The following CASZ1 variants were observed in gnomAD, a reference collection of about 807,000 sequenced individuals.
CASZ1 encodes castor zinc finger 1, also known as zinc finger protein castor homolog 1.
Under a neutral mutation model 135.2 loss-of-function variants are expected in CASZ1, and 28 were observed. The observed-to-expected ratio is 0.21, with a 90% CI of 0.15 to 0.28. The LOEUF is 0.28. Ranked by LOEUF, CASZ1 falls within the 10% of genes least tolerant of loss-of-function variation. The pLI is 1.00. For missense variants in CASZ1, 2,161 were observed against 2,453.3 expected (o/e 0.88, Z 2.52); for synonymous variants, 1,068 against 1,073.4 (o/e 0.99, Z 0.10).
intron 2 of CASZ1, among the ~76,000 whole-genome samples, chr1:10,737,932 G>T (rs1176185626): frequency 3.9e-5 from 6 of 152,236 alleles, no homozygotes; most frequent in African/African-American, 1.4e-4. Flanking sequence ...GGGGACACAA[G>T]CTCAGCCCTG....
rs563739027 is a variant in CASZ1 at position 10,789,298 on chromosome 1, C to T, written c.-234+7266G>A. Among the ~76,000 whole-genome samples the T allele has an allele frequency of 6.3e-4, 95 of 150,836 alleles. 6 individuals are homozygous for T. In the South Asian group the frequency reaches 0.018, roughly 29 times the overall value. On this transcript the variant is annotated intron_variant, in intron 1 of 20. Coordinates refer to ENST00000377022, the MANE Select transcript of CASZ1 (RefSeq NM_001079843.3). Reference sequence around the variant, plus strand: ...ACATCTTGGGGTCCCCCCACCCCAGCCTCCAGGCCTCCTGCTGAGCCTCCC... The same window carrying T: ...ACATCTTGGGGTCCCCCCACCCCAGTCTCCAGGCCTCCTGCTGAGCCTCCC...
At position 10,721,541 on chromosome 1, in the gene CASZ1, A is replaced by C. The variant is rs1208805458; in HGVS notation, c.-76-15997T>G. 6.6e-6 allele frequency among the ~76,000 whole-genome samples: 1 copy of C among 152,128 alleles called. No homozygotes were observed. The highest frequency in any genetic ancestry group is 1.5e-5 in the Non-Finnish European group (1 of 68,018). On this transcript the variant is annotated intron_variant, in intron 2 of 20. Transcript: ENST00000377022. The surrounding 1 kb of genome is among the most constrained non-coding windows in gnomAD (Gnocchi z 5.4). ...CATTCCCGGCTCGCAGGGAGCTTGA[A>C]ACCAGGACTGGTTCCATGCGGGCAT...
intron 2 of CASZ1, among the ~76,000 whole-genome samples, chr1:10,723,284 G>A (rs1211006556): frequency 1.3e-5 from 2 of 152,196 alleles, no homozygotes; most frequent in Non-Finnish European, 2.9e-5. Flanking sequence ...ACTGCACAGT[G>A]AGTGGGGGCA....
rs1421879126 is a variant in CASZ1 at position 10,727,512 on chromosome 1, T to G, written c.-76-21968A>C. On this transcript the variant is annotated intron_variant, in intron 2 of 20. Transcript: ENST00000377022. This position sits in a 1 kb window ranked among gnomAD's most constrained non-coding sequence, Gnocchi z 5.3. ...TGCCCCAGTGCCCACCCTCTGAAAG[T>G]TGGGAAGCTTTTACGGTTCTGTCCT... 1.3e-5 allele frequency among the ~76,000 whole-genome samples: 2 copies of G among 151,922 alleles called. No individual in the cohort carries two copies. Among genetic ancestry groups the G allele is most frequent in the East Asian group, 3.9e-4 (2 of 5,174 alleles).
chr1:10,641,181 G>A (rs1048154836), intron 20 of CASZ1, among the ~76,000 whole-genome samples: 1 of 152,268 alleles, frequency 6.6e-6, no homozygotes, highest in African/African-American at 2.4e-5. Flanking sequence ...GAGACTAAGG[G>A]CTGTGACGGT....
At chr1:10,781,276 T>C (rs710135) in intron 1 of CASZ1, among the ~76,000 whole-genome samples, 129,561 of 152,256 alleles carry the variant, frequency 0.85, 55,433 homozygotes, top group Non-Finnish European at 0.9. Context: ...TCGGAGGACA[T>C]GCAGGGAGAT....
chr1:10,660,269 C>G lies in CASZ1; in HGVS notation c.773G>C (p.Ser258Thr), dbSNP rs1642973632. Residue 258 changes from serine (S) to threonine (T), a missense_variant, in exon 6 of 21, where the codon AGC becomes ACC. Physicochemically the swap from Ser to Thr is moderately conservative, Grantham distance 58 (BLOSUM62 1). Coordinates refer to ENST00000377022, the MANE Select transcript of CASZ1 (RefSeq NM_001079843.3). ...GCCCACCCGCTCCTCGGTCTTGGTG[C>G]TGGGGGCCGGCCAGGAGAGCTGCTC... ...AGEQLSWPAP[S>T]TKTEERVGKE... The G allele has an allele frequency of 5.0e-6, 8 of 1,613,868 alleles. No homozygotes were observed. The highest frequency in any genetic ancestry group is 6.8e-6 in the Non-Finnish European group (8 of 1,179,946).
chr1:10,653,914 T>A lies in CASZ1; in HGVS notation c.2143A>T (p.Thr715Ser). Residue 715 changes from threonine (T) to serine (S), a missense_variant, in exon 11 of 21, where the codon ACG (threonine) becomes TCG (serine). By Grantham distance (58) the Thr-to-Ser change is moderately conservative (BLOSUM62 1). Around this residue, in one of 7 missense-constraint regions of CASZ1, gnomAD observed 248 missense variants for 410.8 expected, o/e 0.60. Coordinates refer to ENST00000377022, the MANE Select transcript of CASZ1 (RefSeq NM_001079843.3). ...LPPSLLGAKDTEHEESSNDDL... is the reference protein window; with the variant it reads ...LPPSLLGAKDSEHEESSNDDL... ...TCGTTGCTGGACTCCTCGTGCTCCG[T>A]GTCCTTGGCGCCCAGCAGCGAGGGC... 6.2e-7 allele frequency: 1 copy of A among 1,613,608 alleles called. No individual in the cohort carries two copies. Among genetic ancestry groups the A allele is most frequent in the Non-Finnish European group, 8.5e-7 (1 of 1,179,764 alleles).
chr1:10,750,510 T>G (rs1215088465), intron 2 of CASZ1, among the ~76,000 whole-genome samples: 7 of 152,094 alleles, frequency 4.6e-5, no homozygotes, highest in African/African-American at 1.4e-4. Context: ...CGTCAAGCGA[T>G]TCTCGCCTCA....
At chr1:10,737,020 G>A (rs1339444383) in intron 2 of CASZ1, among the ~76,000 whole-genome samples, 2 of 152,344 alleles carry the variant, frequency 1.3e-5, no homozygotes, top group South Asian at 4.1e-4. Flanking sequence ...AAGGAAGGAA[G>A]AGAAGGCCCT....
At chr1:10,792,327 GCCC>G (rs1253094777) in intron 1 of CASZ1, among the ~76,000 whole-genome samples, 519 of 26,006 alleles carry the variant, frequency 0.02, 63 homozygotes, top group African/African-American at 0.06. Flanking sequence ...CCTCCCCCCC[GCCC>G]CCCCCCCCCC....
rs1640665732 is a variant in CASZ1, at chr1:10,776,632, G to T, written c.-233-15775C>A. On this transcript the variant is annotated intron_variant, in intron 1 of 20. Transcript: ENST00000377022. The surrounding 1 kb of genome is among the most constrained non-coding windows in gnomAD (Gnocchi z 4.1). ...AAGGCTCTCCCTGGTACCAGCTAGGGGCGGGAGCTCCTGGGAGTCCTGGGG... is the reference window on the plus strand; with the variant it reads ...AAGGCTCTCCCTGGTACCAGCTAGGTGCGGGAGCTCCTGGGAGTCCTGGGG... 6.6e-6 allele frequency among the ~76,000 whole-genome samples: 1 copy of T among 152,234 alleles called. No individual in the cohort carries two copies. Among genetic ancestry groups the T allele is most frequent in the African/African-American group, 2.4e-5 (1 of 41,444 alleles).
intron 4 of CASZ1, among the ~76,000 whole-genome samples, chr1:10,675,018 C>CG (rs1242836300): frequency 1.3e-5 from 2 of 152,050 alleles, no homozygotes; most frequent in Non-Finnish European, 2.9e-5. Context: ...CTCAGATACC[C>CG]CCCGCAACCA....
At position 10,647,455 on chromosome 1, in the gene CASZ1, T is replaced by A; in HGVS notation, c.3497+346A>T. 1.7e-6 allele frequency: 2 copies of A among 1,201,242 alleles called. No homozygotes were observed. The highest frequency in any genetic ancestry group is 2.1e-6 in the Non-Finnish European group (2 of 956,838). The allele number at this position is 1,201,242 out of a possible 1,614,324, so 74.4% of individuals were successfully genotyped here. On this transcript the variant is annotated intron_variant, in intron 16 of 20. Coordinates refer to ENST00000377022, the MANE Select transcript of CASZ1 (RefSeq NM_001079843.3). The surrounding 1 kb of genome is among the most constrained non-coding windows in gnomAD (Gnocchi z 4.9). ...CCACAGAGGAGGCCAATACGGAGGCTCGGAGGGAGACGCAGCCCTCCTTGT... is the reference window on the plus strand; with the variant it reads ...CCACAGAGGAGGCCAATACGGAGGCACGGAGGGAGACGCAGCCCTCCTTGT...
intron 13 of CASZ1, chr1:10,649,918 G>A (rs1642506592): frequency 6.5e-6 from 1 of 152,886 alleles, no homozygotes; most frequent in African/African-American, 2.4e-5. Context: ...AGACAGGCTT[G>A]CTGCAGCGGC....
At chr1:10,737,164 G>A (rs954545094) in intron 2 of CASZ1, among the ~76,000 whole-genome samples, 2 of 152,234 alleles carry the variant, frequency 1.3e-5, no homozygotes, top group African/African-American at 2.4e-5. Flanking sequence ...CGATCAATGA[G>A]GCATCCGCTC....
chr1:10,677,580 T>C lies in CASZ1; in HGVS notation c.17-12009A>G, dbSNP rs944031308. On this transcript the variant is annotated intron_variant, in intron 4 of 20. Coordinates refer to ENST00000377022, the MANE Select transcript of CASZ1 (RefSeq NM_001079843.3). Reference sequence around the variant, plus strand: ...GGGACAGCTATCAGGGTGGAGGCTGTCCTAGGTGCACAGAACTTTAGACCT... The same window carrying C: ...GGGACAGCTATCAGGGTGGAGGCTGCCCTAGGTGCACAGAACTTTAGACCT... 2.6e-5 allele frequency among the ~76,000 whole-genome samples: 4 copies of C among 152,178 alleles called. No homozygotes were observed. The South Asian group carries it at 6.2e-4, about 24-fold the overall frequency.
chr1:10,753,824 G>T (rs547788025), intron 2 of CASZ1, among the ~76,000 whole-genome samples: 3 of 152,156 alleles, frequency 2.0e-5, no homozygotes, highest in East Asian at 3.8e-4. Flanking sequence ...TGACAGGTGG[G>T]TCTTGTTTTT....
At position 10,646,821 on chromosome 1, in the gene CASZ1, C is replaced by A. The variant is rs1020738586; in HGVS notation, c.3498-495G>T. 1.3e-5 allele frequency among the ~76,000 whole-genome samples: 2 copies of A among 152,178 alleles called. No homozygotes were observed. The highest frequency in any genetic ancestry group is 2.4e-5 in the African/African-American group (1 of 41,426). The stretch of plus-strand genomic sequence containing the variant: ...GCAAGCAGGAGCGCGTGCCTGGTGT[C>A]AGCTCCTGGGGGCTCACAGCTGCTG... On this transcript the variant is annotated intron_variant, in intron 16 of 20. Coordinates refer to ENST00000377022, the MANE Select transcript of CASZ1 (RefSeq NM_001079843.3). The surrounding 1 kb of genome is among the most constrained non-coding windows in gnomAD (Gnocchi z 6.4).
Sources: allele counts gnomAD v4.1 joint callset (sites outside exome capture counted in the v4.1 genomes callset), GRCh38; gene constraint gnomAD v4.1.1; regional missense constraint gnomAD v4.1.1; non-coding constraint Gnocchi (gnomAD v3.1); transcripts MANE v1.5; gene names NCBI Gene and HGNC (gene_info 2026-07-23, HGNC 2026-07-21).